Variants in PRKN observed in about 807,000 individuals in gnomAD.
PRKN encodes E3 ubiquitin-protein ligase parkin.
PRKN carries 56 observed loss-of-function variants against 59.5 expected under a neutral mutation model. The ratio of observed to expected loss-of-function variants is 0.94; its 90% CI spans 0.76 to 1.18. The LOEUF (loss-of-function observed/expected upper bound fraction) is 1.18, where lower values mean the gene tolerates loss of function less well. Ranked by LOEUF, PRKN falls within the 50% of genes most tolerant of loss-of-function variation. The probability of loss-of-function intolerance (pLI) is 0.00; values close to 1 mark genes in which losing one functional copy is unlikely to be tolerated. For synonymous variants in PRKN, 250 were observed against 222.1 expected (o/e 1.13, Z -1.12); for missense variants, 657 against 596.4 (o/e 1.10, Z -1.06).
chr6:162,091,213 T>A (rs781122841), intron 4 of PRKN, among the ~76,000 whole-genome samples: 3 of 152,248 alleles, frequency 2.0e-5, no homozygotes, highest in South Asian at 4.1e-4. Flanking sequence ...TGTAGTTACA[T>A]GACATCTAAA....
chr6:162,203,910 T>C (rs1257844644), intron 3 of PRKN, among the ~76,000 whole-genome samples: 2 of 152,176 alleles, frequency 1.3e-5, no homozygotes, highest in Non-Finnish European at 2.9e-5. Context: ...CATAGAGAGA[T>C]ATTTCAAAAA....
At chr6:162,368,041 A>G (rs1273062371) in intron 2 of PRKN, among the ~76,000 whole-genome samples, 1 of 152,106 alleles carries the variant, frequency 6.6e-6, no homozygotes. Flanking sequence ...AGAGAAAATG[A>G]CAGCGCCTTT....
At chr6:162,281,366 G>A (rs913894203) in intron 2 of PRKN, among the ~76,000 whole-genome samples, 3 of 151,404 alleles carry the variant, frequency 2.0e-5, no homozygotes, top group African/African-American at 7.3e-5. Context: ...GTTTACCTAT[G>A]TAACAAACCT....
intron 6 of PRKN, among the ~76,000 whole-genome samples, chr6:161,917,099 G>A (rs1192009394): frequency 1.3e-5 from 2 of 151,952 alleles, no homozygotes; most frequent in Non-Finnish European, 2.9e-5. Flanking sequence ...ACCGCATCCA[G>A]CCTAATTTTT....
intron 2 of PRKN, among the ~76,000 whole-genome samples, chr6:162,330,552 G>T (rs1397488041): frequency 1.3e-5 from 2 of 152,192 alleles, no homozygotes; most frequent in African/African-American, 2.4e-5. Context: ...GGCATCCGTT[G>T]TTCCTGCAAG....
chr6:162,239,209 C>A (rs1028059487), intron 3 of PRKN, among the ~76,000 whole-genome samples: 1 of 152,124 alleles, frequency 6.6e-6, no homozygotes, highest in African/African-American at 2.4e-5. Flanking sequence ...ACTGGAACTA[C>A]ATTTGTCCAC....
intron 4 of PRKN, among the ~76,000 whole-genome samples, chr6:162,176,716 G>A (rs2128321501): frequency 6.6e-6 from 1 of 152,222 alleles, no homozygotes; most frequent in Admixed American, 6.5e-5. Flanking sequence ...AAAAACAGCA[G>A]ACAGTGGAAA....
intron 2 of PRKN, among the ~76,000 whole-genome samples, chr6:162,353,234 AT>A (rs1784697935): frequency 6.6e-6 from 1 of 152,148 alleles, no homozygotes; most frequent in South Asian, 2.1e-4. Context: ...AAGTCACACC[AT>A]TAGAGTTGGC....
chr6:162,332,476 T>C (rs1393926701), intron 2 of PRKN, among the ~76,000 whole-genome samples: 1 of 152,184 alleles, frequency 6.6e-6, no homozygotes, highest in Non-Finnish European at 1.5e-5. Context: ...ATAAATTATT[T>C]CTGCCATTCC....
At chr6:162,178,683 G>T (rs1334078038) in intron 4 of PRKN, among the ~76,000 whole-genome samples, 1 of 152,164 alleles carries the variant, frequency 6.6e-6, no homozygotes, top group African/African-American at 2.4e-5. Flanking sequence ...ATCCTGCAAT[G>T]GTCAGCTTTA....
At chr6:161,832,686 G>C (rs1163578962) in intron 6 of PRKN, among the ~76,000 whole-genome samples, 2 of 149,930 alleles carry the variant, frequency 1.3e-5, no homozygotes. Flanking sequence ...AATACAGGCC[G>C]ATCCCTAAGG....
intron 6 of PRKN, among the ~76,000 whole-genome samples, chr6:161,944,045 C>CCTGAGGAAG (rs1779684865): frequency 8.8e-6 from 1 of 113,480 alleles, no homozygotes; most frequent in African/African-American, 3.4e-5. Flanking sequence ...GCCTGAGGGA[C>CCTGAGGAAG]CAGCCTGAGG....
chr6:162,390,394 T>TATATATATATATATATATATATATAC (rs1787112348), intron 2 of PRKN, among the ~76,000 whole-genome samples: 1 of 120,754 alleles, frequency 8.3e-6, no homozygotes, highest in Admixed American at 8.1e-5. Flanking sequence ...TATATATATA[T>TATATATATATATATATATATATATAC]ATACACACAC....
intron 7 of PRKN, among the ~76,000 whole-genome samples, chr6:161,641,890 C>T (rs1783752929): frequency 6.6e-6 from 1 of 152,218 alleles, no homozygotes; most frequent in Non-Finnish European, 1.5e-5. Flanking sequence ...GGCAGGCCAC[C>T]TACCAATGAA....
intron 7 of PRKN, among the ~76,000 whole-genome samples, chr6:161,662,034 C>A (rs1185611961): frequency 2.6e-5 from 4 of 151,590 alleles, no homozygotes; most frequent in Admixed American, 1.3e-4. Flanking sequence ...AACAAACAAA[C>A]AAAAAAACCA....
At chr6:161,609,061 C>T (rs953129973) in intron 7 of PRKN, among the ~76,000 whole-genome samples, 3 of 152,158 alleles carry the variant, frequency 2.0e-5, no homozygotes, top group Non-Finnish European at 4.4e-5. Flanking sequence ...GCAGCATCTT[C>T]AGCACTCTTG....
intron 5 of PRKN, among the ~76,000 whole-genome samples, chr6:162,043,650 G>T (rs79176071): frequency 0.052 from 7,876 of 152,270 alleles, 255 homozygotes; most frequent in Middle Eastern, 0.095. Context: ...AAAGGATGAA[G>T]TCTCAGATAG....
chr6:162,198,841 T>C (rs1230830881), intron 4 of PRKN, among the ~76,000 whole-genome samples: 1 of 152,146 alleles, frequency 6.6e-6, no homozygotes, highest in Non-Finnish European at 1.5e-5. Context: ...AAGTACCTAC[T>C]ATTAATGTAC....
intron 2 of PRKN, among the ~76,000 whole-genome samples, chr6:162,420,112 A>G (rs1788877639): frequency 6.6e-6 from 1 of 152,014 alleles, no homozygotes; most frequent in Admixed American, 6.6e-5. Context: ...ACAGCTCACC[A>G]TAATGTAGAG....
Sources: gnomAD v4.1 joint callset for allele counts (sites outside exome capture counted in the v4.1 genomes callset) on GRCh38, gnomAD v4.1.1 for gene constraint, MANE v1.5 for transcripts, NCBI Gene and HGNC (gene_info 2026-07-23, HGNC 2026-07-21) for gene names.